Variants in ANKFN1 observed in about 807,000 individuals in gnomAD.
ANKFN1 encodes the protein ankyrin repeat and fibronectin type-III domain-containing protein 1.
In ANKFN1, 74 loss-of-function variants were observed where a neutral mutation model predicts 108.7. The ratio of observed to expected loss-of-function variants is 0.68; its 90% CI spans 0.56 to 0.83. The LOEUF (loss-of-function observed/expected upper bound fraction) is 0.83, where lower values mean the gene tolerates loss of function less well. Among genes scored for constraint, ANKFN1 ranks in the 40% least tolerant of loss-of-function variants. ANKFN1 has a pLI of 0.00. For synonymous variants in ANKFN1, 547 were observed against 516.2 expected (o/e 1.06, Z -0.81); for missense variants, 1,505 against 1,382.3 (o/e 1.09, Z -1.41).
chr17:56,236,975 G>A (rs907749830), intron 3 of ANKFN1, among the ~76,000 whole-genome samples: 1 of 152,092 alleles, frequency 6.6e-6, no homozygotes, highest in African/African-American at 2.4e-5. Context: ...ATGAACTGAT[G>A]TTGAATTTTA....
chr17:56,108,199 C>T (rs1905786031), intron 4 of ANKFN1, among the ~76,000 whole-genome samples: 1 of 152,144 alleles, frequency 6.6e-6, no homozygotes, highest in Non-Finnish European at 1.5e-5. Context: ...CCATGCCCGG[C>T]TAATTTTTGT....
chr17:56,291,107 A>G (rs2044351620), intron 3 of ANKFN1, among the ~76,000 whole-genome samples: 1 of 152,202 alleles, frequency 6.6e-6, no homozygotes, highest in Admixed American at 6.5e-5. Flanking sequence ...CTATCCTGAC[A>G]AATGATCAGA....
chr17:56,304,597 T>C (rs747145124), intron 3 of ANKFN1, among the ~76,000 whole-genome samples: 5 of 152,228 alleles, frequency 3.3e-5, no homozygotes, highest in African/African-American at 4.8e-5. Flanking sequence ...TTGTACAATT[T>C]CACATTCTTA....
Position 56,511,277 on chromosome 17 carries a change from C to A in ANKFN1, c.*8C>A. 6.6e-7 allele frequency: 1 copy of A among 1,504,590 alleles called. No homozygotes were observed. The highest frequency in any genetic ancestry group is 1.8e-4 in the Middle Eastern group (1 of 5,482). 93.2% of individuals were successfully genotyped at this position (1,504,590 alleles called of 1,614,324 possible). ...CTCAGCAGCATGCTTTAGGGAGGCC[C>A]ATCCCGGCTGTCCACCCCTCCATGG... is the stretch of plus-strand genomic sequence containing the variant. On this transcript the variant is annotated 3_prime_UTR_variant, in exon 21 of 21. Transcript: ENST00000682825.
chr17:56,119,878 GAA>G (rs1430181550), intron 4 of ANKFN1, among the ~76,000 whole-genome samples: 1 of 152,106 alleles, frequency 6.6e-6, no homozygotes, highest in East Asian at 1.9e-4. Flanking sequence ...AATAGCATAT[GAA>G]AAGTCATTAT....
chr17:56,298,172 T>C (rs1314703029), intron 3 of ANKFN1, among the ~76,000 whole-genome samples: 1 of 152,190 alleles, frequency 6.6e-6, no homozygotes, highest in African/African-American at 2.4e-5. Flanking sequence ...TGTTAAATTT[T>C]GAAAGCAATT....
At chr17:56,391,449 G>T (rs1021916103) in intron 8 of ANKFN1, among the ~76,000 whole-genome samples, 1 of 149,230 alleles carries the variant, frequency 6.7e-6, no homozygotes, top group East Asian at 2.0e-4. Context: ...CTCACTGGGT[G>T]ACAGTCTCGC....
chr17:56,319,077 C>A (rs2045289802), intron 3 of ANKFN1, among the ~76,000 whole-genome samples: 1 of 152,062 alleles, frequency 6.6e-6, no homozygotes, highest in African/African-American at 2.4e-5. Context: ...GAAGAAAAAA[C>A]ATAGACAAAG....
chr17:56,349,283 G>A lies in ANKFN1; in HGVS notation c.189-1483G>A, dbSNP rs2046186657. ...AGGAAGAATAGCTAATGGATGCTGG[G>A]CTTAATACCTAGGTAAACGGATAAT... On this transcript the variant is annotated intron_variant, in intron 4 of 20. Coordinates refer to ENST00000682825, the MANE Select transcript of ANKFN1 (RefSeq NM_001370326.1). 2.0e-5 allele frequency among the ~76,000 whole-genome samples: 3 copies of A among 152,080 alleles called. No individual in the cohort carries two copies. The South Asian group carries it at 6.2e-4, about 32-fold the overall frequency.
At chr17:56,400,882 A>AAC (rs1311759846) in intron 8 of ANKFN1, among the ~76,000 whole-genome samples, 1 of 152,104 alleles carries the variant, frequency 6.6e-6, no homozygotes, top group Non-Finnish European at 1.5e-5. Context: ...TGCTTTGTCA[A>AAC]AAATCGGTTG....
At chr17:56,197,833 A>G (rs2143735267) in intron 1 of ANKFN1, among the ~76,000 whole-genome samples, 1 of 152,210 alleles carries the variant, frequency 6.6e-6, no homozygotes, top group South Asian at 2.1e-4. Flanking sequence ...GTGGAAGACA[A>G]TTTTTCCATG....
intron 9 of ANKFN1, among the ~76,000 whole-genome samples, chr17:56,441,942 A>G (rs1485024823): frequency 2.0e-5 from 3 of 152,054 alleles, no homozygotes; most frequent in Non-Finnish European, 4.4e-5. Flanking sequence ...TACAATTTTT[A>G]CAAGCAATGT....
At chr17:56,146,743 C>G (rs1445172839) in intron 4 of ANKFN1, among the ~76,000 whole-genome samples, 1 of 152,156 alleles carries the variant, frequency 6.6e-6, no homozygotes, top group Non-Finnish European at 1.5e-5. Context: ...ATTTTTACCC[C>G]CTGGCCTCCA....
chr17:56,412,494 T>G (rs1350101072), intron 8 of ANKFN1, among the ~76,000 whole-genome samples: 1 of 152,192 alleles, frequency 6.6e-6, no homozygotes, highest in Non-Finnish European at 1.5e-5. Flanking sequence ...CCTCACTCTG[T>G]GTGGGTACCA....
At chr17:56,296,193 G>A (rs2044504967) in intron 3 of ANKFN1, among the ~76,000 whole-genome samples, 1 of 152,012 alleles carries the variant, frequency 6.6e-6, no homozygotes, top group Non-Finnish European at 1.5e-5. Context: ...TGAGTACGGA[G>A]GTGAGGGGGC....
At chr17:56,415,749 T>G (rs755964966) in intron 8 of ANKFN1, among the ~76,000 whole-genome samples, 3 of 152,174 alleles carry the variant, frequency 2.0e-5, no homozygotes, top group Non-Finnish European at 4.4e-5. Context: ...AGACCCTGTA[T>G]AGCCAAAGCT....
At chr17:56,326,376 T>C in intron 4 of ANKFN1, 21 bp downstream of exon 4, 1 of 1,602,958 alleles carries the variant, frequency 6.2e-7, no homozygotes, top group Non-Finnish European at 8.5e-7. Context: ...TTTACTGTTG[T>C]CTTTCTTCAT....
intron 8 of ANKFN1, among the ~76,000 whole-genome samples, chr17:56,411,735 A>G (rs1420551915): frequency 6.6e-6 from 1 of 152,196 alleles, no homozygotes; most frequent in African/African-American, 2.4e-5. Flanking sequence ...TACTGTATCT[A>G]TTGAGATAAT....
At chr17:56,174,977 C>G (rs1359809906) in intron 1 of ANKFN1, among the ~76,000 whole-genome samples, 1 of 152,120 alleles carries the variant, frequency 6.6e-6, no homozygotes, top group Non-Finnish European at 1.5e-5. Context: ...AATTATCTCT[C>G]TCTGTGCCAT....
Sources: allele counts gnomAD v4.1 joint callset (sites outside exome capture counted in the v4.1 genomes callset), GRCh38; gene constraint gnomAD v4.1.1; transcripts MANE v1.5; gene names NCBI Gene and HGNC (gene_info 2026-07-23, HGNC 2026-07-21).